The following DLC1 variants were observed in gnomAD, a reference collection of about 807,000 sequenced individuals.
The protein encoded by DLC1 is DLC1 Rho GTPase activating protein.
In DLC1, 54 loss-of-function variants were observed where a neutral mutation model predicts 140.3. The observed-to-expected ratio is 0.38, with a 90% CI of 0.31 to 0.48. The LOEUF is 0.48. Among genes scored for constraint, DLC1 ranks in the 20% least tolerant of loss-of-function variants. The pLI is 0.96. For missense variants in DLC1, 2,536 were observed against 1,907.0 expected, an observed-to-expected ratio of 1.33 and a Z score of -6.14; for synonymous variants, 986 against 728.1, an observed-to-expected ratio of 1.35 and a Z score of -5.70.
chr8:13,513,814 A>AT (rs1278750444), intron 1 of DLC1, among the ~76,000 whole-genome samples: 2 of 152,192 alleles, frequency 1.3e-5, no homozygotes, highest in African/African-American at 4.8e-5. Flanking sequence ...CAGTTTCCAT[A>AT]TGACTGGAGT....
At chr8:13,461,690 A>G (rs928721467) in intron 2 of DLC1, among the ~76,000 whole-genome samples, 2 of 152,122 alleles carry the variant, frequency 1.3e-5, no homozygotes, top group African/African-American at 4.8e-5. Context: ...TCCTCTCCGC[A>G]AAGTGTTCCA....
intron 4 of DLC1, among the ~76,000 whole-genome samples, chr8:13,381,773 G>C (rs1836273872): frequency 1.3e-5 from 2 of 152,150 alleles, no homozygotes; most frequent in African/African-American, 4.8e-5. Context: ...TGCAAACCAT[G>C]GGACATAATA....
intron 4 of DLC1, among the ~76,000 whole-genome samples, chr8:13,392,301 G>A (rs1836796725): frequency 6.6e-6 from 1 of 152,008 alleles, no homozygotes; most frequent in Non-Finnish European, 1.5e-5. Context: ...TCCTCCCCAA[G>A]TCTTTTTCAT....
intron 4 of DLC1, among the ~76,000 whole-genome samples, chr8:13,369,499 A>G (rs961204746): frequency 2.0e-5 from 3 of 151,892 alleles, no homozygotes; most frequent in African/African-American, 7.3e-5. Context: ...ACTCTCTCCT[A>G]ATTTTTTGGG....
At chr8:13,223,996 C>T (rs1472764696) in intron 5 of DLC1, among the ~76,000 whole-genome samples, 2 of 152,134 alleles carry the variant, frequency 1.3e-5, no homozygotes, top group African/African-American at 2.4e-5. Context: ...CTTTTTGCAA[C>T]TATTTTACCT....
chr8:13,574,833 T>G (rs1290516697), intron 1 of DLC1, among the ~76,000 whole-genome samples: 2 of 152,178 alleles, frequency 1.3e-5, no homozygotes, highest in Non-Finnish European at 2.9e-5. Flanking sequence ...TAGGAATGTC[T>G]GGGACCCAGC....
intron 16 of DLC1, among the ~76,000 whole-genome samples, chr8:13,086,943 T>G (rs1029076525): frequency 2.6e-5 from 4 of 152,154 alleles, no homozygotes; most frequent in Non-Finnish European, 5.9e-5. Context: ...TAGGATTGCT[T>G]AAGCTGTAAT....
chr8:13,143,850 G>GAGACAT (rs1287715034), intron 5 of DLC1, among the ~76,000 whole-genome samples: 4 of 147,750 alleles, frequency 2.7e-5, no homozygotes, highest in African/African-American at 1.0e-4. Context: ...GAGAGAGAGA[G>GAGACAT]AGACATAGAC....
chr8:13,141,020 C>T (rs1045603237), intron 5 of DLC1, among the ~76,000 whole-genome samples: 3 of 151,966 alleles, frequency 2.0e-5, no homozygotes, highest in South Asian at 2.1e-4. Context: ...TTTGGGAGGC[C>T]GAGGCGTGTG....
chr8:13,107,137 C>T (rs1211163461), intron 7 of DLC1, among the ~76,000 whole-genome samples: 1 of 152,192 alleles, frequency 6.6e-6, no homozygotes, highest in African/African-American at 2.4e-5. Context: ...TGTAAAAATG[C>T]TGGTTAGCAA....
chr8:13,084,421 T>C lies in DLC1; in HGVS notation c.*1390A>G, dbSNP rs1156404575. 6.6e-6 allele frequency: 1 copy of C among 152,588 alleles called. No homozygotes were observed. Among genetic ancestry groups the C allele is most frequent in the Non-Finnish European group, 1.5e-5 (1 of 68,026 alleles). 9.5% of individuals were successfully genotyped at this position (152,588 alleles called of 1,614,324 possible). A position where few individuals can be genotyped will look rare whatever the true frequency, so the allele number is the denominator to read the frequency against. ...TCATACATTATTCACTTTTGATCCA[T>C]ACACAATAAATTTACTAATACTGTC... On this transcript the variant is annotated 3_prime_UTR_variant, in exon 18 of 18. Transcript: ENST00000276297.
In DLC1 at chr8:13,088,653, C is replaced by T; in HGVS notation, c.4126G>A (p.Ala1376Thr). 1.2e-6 allele frequency: 2 copies of T among 1,614,158 alleles called. No individual in the cohort carries two copies. Among genetic ancestry groups the T allele is most frequent in the South Asian group, 1.1e-5 (1 of 91,080 alleles). The change falls in exon 16 of 18, where the codon GCT (alanine) becomes ACT (threonine). Residue 1376 changes from alanine to threonine, a missense_variant. Physicochemically the swap from Ala to Thr is moderately conservative, Grantham distance 58 (BLOSUM62 0). Transcript: ENST00000276297. Reference protein sequence around the residue: ...RLWRSVIEVPAVPEEILKRLL... With the variant: ...RLWRSVIEVPTVPEEILKRLL... ...CGCTTTAAGATTTCCTCTGGCACAGCAGGGACTTCAATGACTGACCTCCAA... is the reference window on the plus strand; with the variant it reads ...CGCTTTAAGATTTCCTCTGGCACAGTAGGGACTTCAATGACTGACCTCCAA...
At chr8:13,171,495 A>G (rs1825477927) in intron 5 of DLC1, among the ~76,000 whole-genome samples, 1 of 152,138 alleles carries the variant, frequency 6.6e-6, no homozygotes, top group South Asian at 2.1e-4. Context: ...GGCTCAAGCA[A>G]TCCTCCTGTC....
chr8:13,214,805 A>G (rs761318212), intron 5 of DLC1: 1 of 778,362 alleles, frequency 1.3e-6, no homozygotes, highest in East Asian at 2.4e-5. Flanking sequence ...TAAAAAGGAG[A>G]GGAGAAAATG....
intron 1 of DLC1, among the ~76,000 whole-genome samples, chr8:13,531,248 A>G (rs777834938): frequency 1.3e-5 from 2 of 152,184 alleles, no homozygotes; most frequent in Non-Finnish European, 2.9e-5. Flanking sequence ...AGCAGCCTGA[A>G]CAGGCTACTA....
At position 13,098,555 on chromosome 8, in the gene DLC1, C is replaced by G; in HGVS notation, c.3011G>C (p.Ser1004Thr). The G allele has an allele frequency of 6.2e-7, 1 of 1,614,128 alleles. No homozygotes were observed. The highest frequency in any genetic ancestry group is 8.5e-7 in the Non-Finnish European group (1 of 1,179,990). ...GCTTGGCCGATGTGAGCTCTGGAAA[C>G]TGTGCCATCTCAGTCGGTGCCTGCG... Reference protein sequence around the residue: ...RSNRHRLRWHSFQSSHRPSLN... With the variant: ...RSNRHRLRWHTFQSSHRPSLN... The change falls in exon 10 of 18, where the codon AGT (serine) becomes ACT (threonine). Residue 1004 changes from serine (S) to threonine (T), a missense_variant. By Grantham distance (58) the Ser-to-Thr change is moderately conservative. Transcript: ENST00000276297.
At chr8:13,286,071 G>A (rs1439063413) in intron 5 of DLC1, among the ~76,000 whole-genome samples, 1 of 152,118 alleles carries the variant, frequency 6.6e-6, no homozygotes, top group East Asian at 1.9e-4. Context: ...AAATCAAAGA[G>A]CAAAATAGAA....
chr8:13,513,102 A>C (rs1254619240), intron 1 of DLC1, among the ~76,000 whole-genome samples: 1 of 151,922 alleles, frequency 6.6e-6, no homozygotes, highest in Non-Finnish European at 1.5e-5. Context: ...AGGTATCTGA[A>C]TTATGAATCA....
intron 1 of DLC1, among the ~76,000 whole-genome samples, chr8:13,551,461 G>C: frequency 6.6e-6 from 1 of 151,840 alleles, no homozygotes; most frequent in South Asian, 2.1e-4. Flanking sequence ...TTGATCATGG[G>C]TGAAGGATTA....
Sources: allele counts gnomAD v4.1 joint callset (sites outside exome capture counted in the v4.1 genomes callset), GRCh38; gene constraint gnomAD v4.1.1; transcripts MANE v1.5; gene names NCBI Gene and HGNC (gene_info 2026-07-23, HGNC 2026-07-21).